The following FAT1 variants were observed in gnomAD, a reference collection of about 807,000 sequenced individuals.
The protein encoded by FAT1 is FAT atypical cadherin 1, also known as protocadherin Fat 1.
Under a neutral mutation model 329.8 loss-of-function variants are expected in FAT1, and 171 were observed. That is an observed-to-expected ratio of 0.52 (90% CI 0.46 to 0.59). The LOEUF is 0.59. Ranked by LOEUF, FAT1 falls within the 20% of genes least tolerant of loss-of-function variation. The pLI is 0.00. For synonymous variants in FAT1, 2,233 were observed against 2,228.6 expected (o/e 1.00, Z -0.06); for missense variants, 5,672 against 5,774.4 (o/e 0.98, Z 0.57).
At chr4:186,709,904 A>G in intron 1 of FAT1, 59 bp from the exon 2 acceptor site, 1 of 1,420,688 alleles carries the variant, frequency 7.0e-7, no homozygotes, top group Non-Finnish European at 9.3e-7. Context: ...AAAAGTGTGT[A>G]CATTGTTTTA....
intron 2 of FAT1, among the ~76,000 whole-genome samples, chr4:186,671,332 C>G (rs1742715843): frequency 6.6e-6 from 1 of 152,022 alleles, no homozygotes; most frequent in Non-Finnish European, 1.5e-5. Flanking sequence ...CTTGTTTTGC[C>G]TATTATATAC....
intron 15 of FAT1, 71 bp from the exon 16 acceptor site, chr4:186,609,391 ATAT>A (rs1347955459): frequency 1.3e-6 from 2 of 1,514,256 alleles, no homozygotes. Context: ...AAAATTTGTG[ATAT>A]TAATAGCTTA....
intron 3 of FAT1, among the ~76,000 whole-genome samples, chr4:186,646,343 G>A (rs188679027): frequency 4.6e-5 from 7 of 152,100 alleles, no homozygotes; most frequent in East Asian, 1.9e-4. Context: ...TGGCCTTTCC[G>A]CCCTTTTATT....
Position 186,599,986 on chromosome 4 carries a change from T to C in FAT1, c.12015A>G (p.Val4005=), listed in dbSNP as rs1244803589. Reference sequence around the variant, plus strand: ...TGGCCGTCAGGAAGCAGCCTGGAGATACATCCACCGACTCTTCGATGTGTG... The same window carrying C: ...TGGCCGTCAGGAAGCAGCCTGGAGACACATCCACCGACTCTTCGATGTGTG... ...SYAHIEESVD[V]SPGCFLTATE... The change falls in exon 22 of 27, where the codon GTA becomes GTG. Residue 4005 remains valine, a synonymous_variant. Transcript: ENST00000441802. 1.2e-6 allele frequency: 2 copies of C among 1,613,884 alleles called. No homozygotes were observed. Among genetic ancestry groups the C allele is most frequent in the African/African-American group, 1.3e-5 (1 of 74,916 alleles).
Position 186,598,133 on chromosome 4 carries a change from G to A in FAT1, c.12104-8C>T, listed in dbSNP as rs748431505. 12 of 1,586,032 alleles carry A rather than the reference G, an allele frequency of 7.6e-6. No homozygotes were observed. The highest frequency in any genetic ancestry group is 3.5e-5 in the South Asian group (3 of 85,680). On this transcript the variant is annotated splice_region_variant and splice_polypyrimidine_tract_variant and intron_variant, in intron 22 of 26. Coordinates refer to ENST00000441802, the MANE Select transcript of FAT1 (RefSeq NM_005245.4). ...TGCATTTGCAGTAATAACCTAAATC[G>A]GCAAAAAGGAACAAAAAAGTCCTAT...
chr4:186,621,263 T>G lies in FAT1; in HGVS notation c.5323A>C (p.Ser1775Arg). Residue 1775 changes from serine (S) to arginine (R), a missense_variant, in exon 10 of 27, where the codon AGT becomes CGT. Physicochemically the swap from Ser to Arg is moderately radical, Grantham distance 110. Around this residue, in one of 2 missense-constraint regions of FAT1, gnomAD observed 3,966 missense variants for 3,915.2 expected, o/e 1.01. Coordinates refer to ENST00000441802, the MANE Select transcript of FAT1 (RefSeq NM_005245.4). ...FMQAEYTGLI[S>R]ESASINSVVL... ...ACGCTGTTAATTGAGGCTGATTCAC[T>G]AATGAGTCCTGTATATTCTGCCTGC... is the stretch of plus-strand genomic sequence containing the variant. The G allele has an allele frequency of 6.2e-7, 1 of 1,614,042 alleles. No individual in the cohort carries two copies. The highest frequency in any genetic ancestry group is 8.5e-7 in the Non-Finnish European group (1 of 1,179,890).
At chr4:186,691,917 C>T (rs1743781002) in intron 2 of FAT1, among the ~76,000 whole-genome samples, 1 of 151,084 alleles carries the variant, frequency 6.6e-6, no homozygotes, top group South Asian at 2.1e-4. Flanking sequence ...GTATGCTTTA[C>T]TGTGGCTACT....
chr4:186,614,080 C>G (rs1579320981), intron 12 of FAT1, 111 bp downstream of exon 12: 3 of 895,446 alleles, frequency 3.4e-6, no homozygotes, highest in Non-Finnish European at 5.0e-6. Flanking sequence ...CATCAGAATA[C>G]ATTTGAAAAG....
chr4:186,638,833 C>T (rs1437080469), intron 4 of FAT1, among the ~76,000 whole-genome samples: 3 of 149,604 alleles, frequency 2.0e-5, no homozygotes, highest in Non-Finnish European at 4.4e-5. Flanking sequence ...CTCAATTAAA[C>T]AAAGGCAGGT....
chr4:186,671,353 T>A (rs370236178), intron 2 of FAT1, among the ~76,000 whole-genome samples: 3 of 152,304 alleles, frequency 2.0e-5, no homozygotes, highest in Admixed American at 6.5e-5. Flanking sequence ...AAAGAAAAGC[T>A]GTAAAACGAG....
Position 186,618,734 on chromosome 4 carries a change from C to T in FAT1, c.7852G>A (p.Val2618Ile). 6.2e-7 allele frequency: 1 copy of T among 1,614,056 alleles called. No homozygotes were observed. The highest frequency in any genetic ancestry group is 8.5e-7 in the Non-Finnish European group (1 of 1,179,898). The stretch of plus-strand genomic sequence containing the variant: ...CCCTCATCGGCATCACTTGCAAGAA[C>T]TTTAACGACTGAAGTCCCTTTAGCA... ...SAAKGTSVVK[V>I]LASDADEGSN... Residue 2618 changes from valine (V) to isoleucine (I), a missense_variant, in exon 10 of 27, where the codon GTT becomes ATT. Val to Ile is a conservative substitution (Grantham distance 29, BLOSUM62 3). Around this residue, in one of 2 missense-constraint regions of FAT1, gnomAD observed 3,966 missense variants for 3,915.2 expected, o/e 1.01. Transcript: ENST00000441802.
intron 2 of FAT1, among the ~76,000 whole-genome samples, chr4:186,665,132 G>A (rs1742369216): frequency 6.6e-6 from 1 of 152,256 alleles, no homozygotes; most frequent in South Asian, 2.1e-4. Flanking sequence ...CCATTCAGAA[G>A]CATTACAATG....
chr4:186,643,788 T>TCCCCCCCCCCCCCCCCCCCCCCCC (rs111521404), intron 3 of FAT1, among the ~76,000 whole-genome samples: 3 of 131,174 alleles, frequency 2.3e-5, no homozygotes, highest in Non-Finnish European at 3.2e-5. Context: ...CTGCTCCTCA[T>TCCCCCCCCCCCCCCCCCCCCCCCC]CCCCCCCCCA....
chr4:186,681,789 G>A (rs1743219062), intron 2 of FAT1, among the ~76,000 whole-genome samples: 1 of 152,180 alleles, frequency 6.6e-6, no homozygotes, highest in Admixed American at 6.5e-5. Flanking sequence ...TTTATAAAAC[G>A]TTTCAAAGTT....
chr4:186,650,213 T>A (rs1741571541), intron 3 of FAT1, among the ~76,000 whole-genome samples: 1 of 152,172 alleles, frequency 6.6e-6, no homozygotes, highest in Admixed American at 6.5e-5. Context: ...CCTTAACATC[T>A]CTGGCTGAGA....
At chr4:186,592,643 A>C in intron 26 of FAT1, 2 of 454,750 alleles carry the variant, frequency 4.4e-6, no homozygotes, top group Non-Finnish European at 8.8e-6. Flanking sequence ...GAGCTCTACG[A>C]CACGGCTGCT....
intron 2 of FAT1, among the ~76,000 whole-genome samples, chr4:186,679,899 A>G (rs1044815865): frequency 7.9e-5 from 12 of 152,220 alleles, no homozygotes; most frequent in African/African-American, 2.7e-4. Flanking sequence ...TCTGAAACTC[A>G]AGAATTTTTT....
rs1742286577 is a variant in FAT1 at position 186,663,575 on chromosome 4, T to C, written c.3304A>G (p.Thr1102Ala). 1.2e-6 allele frequency: 2 copies of C among 1,611,246 alleles called. No individual in the cohort carries two copies. Among genetic ancestry groups the C allele is most frequent in the South Asian group, 2.2e-5 (2 of 91,034 alleles). ...AAGACTGTTAGCCAATAATGGGAGG[T>C]CGATTCACGGTCCAGTCGATCTGAC... ...ETSDRLDRESTSHYWLTVFAT... is the reference protein window; with the variant it reads ...ETSDRLDRESASHYWLTVFAT... The change falls in exon 3 of 27, where the codon ACC (threonine) becomes GCC (alanine). Residue 1102 changes from threonine to alanine, a missense_variant. By Grantham distance (58) the Thr-to-Ala change is moderately conservative (BLOSUM62 0). Around this residue, in one of 2 missense-constraint regions of FAT1, gnomAD observed 3,966 missense variants for 3,915.2 expected, o/e 1.01. Transcript: ENST00000441802.
intron 7 of FAT1, among the ~76,000 whole-genome samples, chr4:186,633,400 T>C (rs1236703895): frequency 6.6e-6 from 1 of 152,212 alleles, no homozygotes; most frequent in African/African-American, 2.4e-5. Flanking sequence ...TAGTTTAAAA[T>C]GAGTGTAAAA....
Sources: allele counts gnomAD v4.1 joint callset (sites outside exome capture counted in the v4.1 genomes callset), GRCh38; gene constraint gnomAD v4.1.1; regional missense constraint gnomAD v4.1.1; transcripts MANE v1.5; gene names NCBI Gene and HGNC (gene_info 2026-07-23, HGNC 2026-07-21).